Variants in CYP46A1 observed in about 807,000 individuals in gnomAD.
CYP46A1 encodes cytochrome P450 family 46 subfamily A member 1.
A neutral mutation model predicts 63.3 loss-of-function variants in CYP46A1; 20 were observed. The observed-to-expected ratio is 0.32, with a 90% CI of 0.22 to 0.46. The LOEUF is 0.46. Among genes scored for constraint, CYP46A1 ranks in the 20% least tolerant of loss-of-function variants. The probability of loss-of-function intolerance (pLI) is 1.00; values close to 1 mark genes in which losing one functional copy is unlikely to be tolerated. For synonymous variants in CYP46A1, 268 were observed against 273.6 expected (o/e 0.98, Z 0.20); for missense variants, 445 against 670.8 (o/e 0.66, Z 3.72).
intron 1 of CYP46A1, among the ~76,000 whole-genome samples, chr14:99,686,844 G>T (rs1456765138): frequency 1.3e-5 from 2 of 152,096 alleles, no homozygotes; most frequent in South Asian, 2.1e-4. Flanking sequence ...TATATAAAAA[G>T]ATTTTGGATT....
chr14:99,721,428 C>A, intron 11 of CYP46A1, 105 bp downstream of exon 11: 1 of 800,280 alleles, frequency 1.2e-6, no homozygotes, highest in South Asian at 1.5e-5. Context: ...AACTTTGCTG[C>A]ATAGGGTCCT....
chr14:99,695,261 G>T (rs1179640962), intron 3 of CYP46A1, among the ~76,000 whole-genome samples: 4 of 152,190 alleles, frequency 2.6e-5, no homozygotes, highest in African/African-American at 9.7e-5. Flanking sequence ...AGTGTATGTT[G>T]TGTTATTGTT....
Position 99,713,707 on chromosome 14 carries a change from T to C in CYP46A1, c.694-2103T>C, listed in dbSNP as rs747083682. 3.3e-5 allele frequency among the ~76,000 whole-genome samples: 5 copies of C among 151,894 alleles called. No individual in the cohort carries two copies. In the South Asian group the frequency reaches 8.3e-4, roughly 25 times the overall value. ...CAGCCTGGCCAACGTGGTGAAACCC[T>C]GTCTCTACTAAAAATTCAAAAATTA... On this transcript the variant is annotated intron_variant, in intron 7 of 14. Transcript: ENST00000261835.
At position 99,722,771 on chromosome 14, in the gene CYP46A1, C is replaced by A; in HGVS notation, c.1176+705C>A. 1 of 327,898 alleles carries A rather than the reference C, an allele frequency of 3.0e-6. No homozygotes were observed. The highest frequency in any genetic ancestry group is 3.3e-5 in the Admixed American group (1 of 29,870). The allele number at this position is 327,898 out of a possible 1,614,324, so 20.3% of individuals were successfully genotyped here. A position where few individuals can be genotyped will look rare whatever the true frequency, so the allele number is the denominator to read the frequency against. ...ATTTGTGTAGGTTTCTCCACAAGGC[C>A]GTAGGACAACCACCATCGCTGATCA... On this transcript the variant is annotated intron_variant, in intron 12 of 14. Transcript: ENST00000261835. The surrounding 1 kb of genome is among the most constrained non-coding windows in gnomAD (Gnocchi z 4.6).
chr14:99,703,894 A>T (rs1030817183), intron 5 of CYP46A1: 1 of 984,016 alleles, frequency 1.0e-6, no homozygotes, highest in African/African-American at 1.7e-5. Context: ...GAAAATGGGA[A>T]GGAGTAGACT....
At chr14:99,719,216 C>G (rs934886675) in intron 10 of CYP46A1, among the ~76,000 whole-genome samples, 4 of 152,014 alleles carry the variant, frequency 2.6e-5, no homozygotes, top group African/African-American at 9.7e-5. Flanking sequence ...TCCCCCTCCA[C>G]TATTTTTATT....
intron 7 of CYP46A1, chr14:99,713,519 C>T (rs1347091751): frequency 1.1e-4 from 17 of 151,840 alleles, no homozygotes. Context: ...GGAAATGCTC[C>T]AGGACATTGG....
intron 5 of CYP46A1, among the ~76,000 whole-genome samples, chr14:99,701,730 A>G (rs1054327472): frequency 6.6e-6 from 1 of 152,236 alleles, no homozygotes; most frequent in Non-Finnish European, 1.5e-5. Flanking sequence ...ATAGAATTCT[A>G]TAACCATCAA....
At chr14:99,694,103 A>G (rs2056566261) in intron 3 of CYP46A1, among the ~76,000 whole-genome samples, 1 of 152,066 alleles carries the variant, frequency 6.6e-6, no homozygotes. Context: ...CATCTGACTT[A>G]TTTCACTTAG....
At chr14:99,689,249 T>C (rs2056522470) in intron 1 of CYP46A1, among the ~76,000 whole-genome samples, 2 of 152,162 alleles carry the variant, frequency 1.3e-5, no homozygotes, top group African/African-American at 4.8e-5. Flanking sequence ...TGTCTGAGAT[T>C]GGTCCCCCCA....
rs751383710 is a variant in CYP46A1, at chr14:99,722,021, G to A, written c.1131G>A (p.Glu377=). 6.2e-7 allele frequency: 1 copy of A among 1,613,640 alleles called. No homozygotes were observed. The highest frequency in any genetic ancestry group is 1.7e-5 in the Admixed American group (1 of 60,020). The change falls in exon 12 of 15, where the codon GAG becomes GAA. Residue 377 remains glutamate (E), a synonymous_variant. Transcript: ENST00000261835. This position sits in a 1 kb window ranked among gnomAD's most constrained non-coding sequence, Gnocchi z 4.6. ...AWGTFRLLEE[E]TLIDGVRVPG... Reference sequence around the variant, plus strand: ...GCACCTTTCGCCTGCTGGAAGAGGAGACCTTGATTGATGGGGTCAGAGTCC... The same window carrying A: ...GCACCTTTCGCCTGCTGGAAGAGGAAACCTTGATTGATGGGGTCAGAGTCC...
chr14:99,695,490 GGATGGATTTGTCTTTAT>G (rs1308780008), intron 3 of CYP46A1: 1 of 393,750 alleles, frequency 2.5e-6, no homozygotes, highest in Non-Finnish European at 5.1e-6. Flanking sequence ...TACACATTTA[GGATGGATTTGTCTTTAT>G]GATGAATTGA....
rs2056547753 is a variant in CYP46A1 at position 99,691,981 on chromosome 14, TC to T, written c.282+123del. 3.1e-6 allele frequency: 3 copies of T among 979,016 alleles called. No individual in the cohort carries two copies. In the Admixed American group the frequency reaches 6.3e-5, roughly 21 times the overall value. The allele number at this position is 979,016 out of a possible 1,614,324, so 60.6% of individuals were successfully genotyped here. A position where few individuals can be genotyped will look rare whatever the true frequency, so the allele number is the denominator to read the frequency against. On this transcript the variant is annotated intron_variant, in intron 3 of 14. Coordinates refer to ENST00000261835, the MANE Select transcript of CYP46A1 (RefSeq NM_006668.2). ...AGAGCCAGGCGCATTTCGGCTGGTT[TC>T]CCAAAGATCCAGAAAGGAATGGCAT...
chr14:99,717,970 ACTGG>A, intron 9 of CYP46A1, 80 bp from the exon 10 acceptor site: 2 of 1,065,796 alleles, frequency 1.9e-6, no homozygotes, highest in African/African-American at 3.1e-5. Flanking sequence ...ACATGCCAGC[ACTGG>A]CTGGCATAGA....
At chr14:99,721,833 C>T (rs1395288448) in intron 11 of CYP46A1, 123 bp from the exon 12 acceptor site, 1 of 684,018 alleles carries the variant, frequency 1.5e-6, no homozygotes, top group African/African-American at 1.8e-5. Context: ...GGACCCAGGC[C>T]AGGGTGAGGG....
intron 1 of CYP46A1, 37 bp from the exon 2 acceptor site, chr14:99,691,044 G>A (rs747635603): frequency 6.3e-7 from 1 of 1,598,652 alleles, no homozygotes; most frequent in African/African-American, 1.3e-5. Flanking sequence ...CTTTCCTGTT[G>A]ACTGCTGGTA....
intron 9 of CYP46A1, among the ~76,000 whole-genome samples, chr14:99,717,525 C>G (rs1018024035): frequency 1.3e-5 from 2 of 152,114 alleles, no homozygotes; most frequent in Non-Finnish European, 2.9e-5. Context: ...CTTCCCAGCT[C>G]TGACTTGCTG....
In CYP46A1 at chr14:99,722,183, C is replaced by A. The variant is rs2056853971; in HGVS notation, c.1176+117C>A. ...GTTCCCATCATTGCAACGGGCCTCA[C>A]TGGCTGCCCTGGTCTTTCTCATGGA... On this transcript the variant is annotated intron_variant, in intron 12 of 14. Transcript: ENST00000261835. This position sits in a 1 kb window ranked among gnomAD's most constrained non-coding sequence, Gnocchi z 4.6. 1 of 665,714 alleles carries A rather than the reference C, an allele frequency of 1.5e-6. No homozygotes were observed. The highest frequency in any genetic ancestry group is 1.8e-5 in the South Asian group (1 of 55,262). 41.2% of individuals were successfully genotyped at this position (665,714 alleles called of 1,614,324 possible).
At chr14:99,693,333 T>TA (rs1229531531) in intron 3 of CYP46A1, 2 of 152,256 alleles carry the variant, frequency 1.3e-5, no homozygotes, top group Admixed American at 6.5e-5. Context: ...ATTTCAAACA[T>TA]AGACACAATT....
Sources: allele counts gnomAD v4.1 joint callset (sites outside exome capture counted in the v4.1 genomes callset), GRCh38; gene constraint gnomAD v4.1.1; non-coding constraint Gnocchi (gnomAD v3.1); transcripts MANE v1.5; gene names NCBI Gene and HGNC (gene_info 2026-07-23, HGNC 2026-07-21).